SLC39A11: variants seen among roughly 807,000 people sequenced by gnomAD.
SLC39A11 encodes the protein zinc transporter ZIP11.
Under a neutral mutation model 36.1 loss-of-function variants are expected in SLC39A11, and 33 were observed. The observed-to-expected ratio is 0.91, with a 90% CI of 0.69 to 1.22. The LOEUF (loss-of-function observed/expected upper bound fraction) is 1.22. Ranked by LOEUF, SLC39A11 falls within the 50% of genes most tolerant of loss-of-function variation. The pLI is 0.00. For synonymous variants in SLC39A11, 166 were observed against 170.3 expected, an observed-to-expected ratio of 0.97 and a Z score of 0.20; for missense variants, 432 against 430.3, an observed-to-expected ratio of 1.00 and a Z score of -0.03.
intron 7 of SLC39A11, among the ~76,000 whole-genome samples, chr17:72,684,241 C>T (rs540092640): frequency 1.3e-5 from 2 of 152,294 alleles, no homozygotes; most frequent in African/African-American, 2.4e-5. Flanking sequence ...CTCACCATAC[C>T]AGAGGTCAGC....
rs34750819 is a variant in SLC39A11 at position 72,783,004 on chromosome 17, CAAA to C, written c.602-46288_602-46286del. Among the ~76,000 whole-genome samples, 3 of 81,008 alleles carry C rather than the reference CAAA, an allele frequency of 3.7e-5. 1 individual carries two copies. Among genetic ancestry groups the C allele is most frequent in the African/African-American group, 2.0e-4 (3 of 15,274 alleles). 53.1% of individuals were successfully genotyped at this position (81,008 alleles called of 152,430 possible). A position where few individuals can be genotyped will look rare whatever the true frequency, so the allele number is the denominator to read the frequency against. On this transcript the variant is annotated intron_variant, in intron 6 of 9. Coordinates refer to ENST00000255559, the MANE Select transcript of SLC39A11 (RefSeq NM_139177.4). ...ATGACAGCGCAAGACTCTGTCTCAA[CAAA>C]AAAAAAAAAAAAAAAGAAAAAAGAA...
intron 7 of SLC39A11, among the ~76,000 whole-genome samples, chr17:72,734,714 C>T (rs916055473): frequency 6.6e-5 from 10 of 152,288 alleles, no homozygotes; most frequent in East Asian, 1.9e-4. Context: ...GATGATGTCG[C>T]GGGGGACGTG....
At chr17:72,738,271 T>G (rs1179356630) in intron 6 of SLC39A11, among the ~76,000 whole-genome samples, 2 of 152,210 alleles carry the variant, frequency 1.3e-5, no homozygotes, top group East Asian at 3.8e-4. Context: ...CCCAAAGTGC[T>G]GGGATTACAG....
chr17:72,988,918 T>G (rs1268212591), intron 4 of SLC39A11, among the ~76,000 whole-genome samples: 1 of 152,002 alleles, frequency 6.6e-6, no homozygotes, highest in East Asian at 1.9e-4. Flanking sequence ...TTTTTAAGAT[T>G]ACAATATGCA....
intron 7 of SLC39A11, among the ~76,000 whole-genome samples, chr17:72,702,957 G>T (rs1220269560): frequency 1.3e-5 from 1 of 79,854 alleles, no homozygotes. Context: ...AAAAAAAATG[G>T]AAGAAAGGAA....
intron 4 of SLC39A11, among the ~76,000 whole-genome samples, chr17:73,020,972 C>G (rs151167593): frequency 1.8e-4 from 28 of 152,262 alleles, no homozygotes; most frequent in African/African-American, 6.7e-4. Context: ...TGAGCCACCA[C>G]GCCCAGCCCG....
intron 4 of SLC39A11, among the ~76,000 whole-genome samples, chr17:73,000,772 A>T (rs2089776655): frequency 6.6e-6 from 1 of 152,188 alleles, no homozygotes; most frequent in Non-Finnish European, 1.5e-5. Context: ...CAGCCCAAAC[A>T]TACCTTCCTA....
chr17:72,677,323 C>T (rs2071311214), intron 7 of SLC39A11, among the ~76,000 whole-genome samples: 1 of 152,326 alleles, frequency 6.6e-6, no homozygotes, highest in South Asian at 2.1e-4. Flanking sequence ...AAGAGGCACA[C>T]AGGAGGCCAT....
At chr17:72,969,102 G>A (rs181748630) in intron 4 of SLC39A11, among the ~76,000 whole-genome samples, 2 of 152,222 alleles carry the variant, frequency 1.3e-5, no homozygotes, top group Admixed American at 1.3e-4. Flanking sequence ...TCAACTTAAG[G>A]AGTCACACTG....
At chr17:72,675,071 T>A (rs919130945) in intron 7 of SLC39A11, among the ~76,000 whole-genome samples, 19 of 152,202 alleles carry the variant, frequency 1.2e-4, no homozygotes, top group African/African-American at 4.6e-4. Flanking sequence ...TGCCCCCCGC[T>A]TCCATACACA....
intron 5 of SLC39A11, among the ~76,000 whole-genome samples, chr17:72,872,926 GCACCTGTAGTCC>G (rs2080715850): frequency 6.6e-6 from 1 of 151,770 alleles, no homozygotes; most frequent in Non-Finnish European, 1.5e-5. Flanking sequence ...GTGGTGGCGG[GCACCTGTAGTCC>G]CAGCTACTCG....
chr17:72,682,303 C>T (rs541972696), intron 7 of SLC39A11, among the ~76,000 whole-genome samples: 1 of 113,322 alleles, frequency 8.8e-6, no homozygotes, highest in Non-Finnish European at 1.7e-5. Context: ...TCCCTCCCCC[C>T]ACCCCAGTCC....
intron 4 of SLC39A11, among the ~76,000 whole-genome samples, chr17:72,970,714 T>C (rs1023942946): frequency 1.1e-4 from 17 of 152,194 alleles, no homozygotes; most frequent in African/African-American, 4.1e-4. Context: ...AAAATGGCAA[T>C]CCAGGAGTGC....
At position 72,987,778 on chromosome 17, in the gene SLC39A11, G is replaced by A. The variant is rs751865340; in HGVS notation, c.307-39903C>T. On this transcript the variant is annotated intron_variant, in intron 4 of 9. Coordinates refer to ENST00000255559, the MANE Select transcript of SLC39A11 (RefSeq NM_139177.4). Reference sequence around the variant, plus strand: ...TTACAGAGAAAGGTGAAGCCCCAACGGTTGTTTTGGGAACAATCTCCCTCA... The same window carrying A: ...TTACAGAGAAAGGTGAAGCCCCAACAGTTGTTTTGGGAACAATCTCCCTCA... Among the ~76,000 whole-genome samples the A allele has an allele frequency of 1.1e-4, 17 of 152,170 alleles. 1 individual carries two copies. The South Asian group carries it at 3.3e-3, about 30-fold the overall frequency.
chr17:72,774,316 G>A (rs2076058255), intron 6 of SLC39A11, among the ~76,000 whole-genome samples: 1 of 152,214 alleles, frequency 6.6e-6, no homozygotes, highest in African/African-American at 2.4e-5. Context: ...ACTGATTTAT[G>A]TCTTGCTCCT....
At chr17:73,052,682 C>G (rs1307645133) in intron 3 of SLC39A11, among the ~76,000 whole-genome samples, 7 of 152,126 alleles carry the variant, frequency 4.6e-5, no homozygotes, top group Non-Finnish European at 1.0e-4. Context: ...GTGGTTACTA[C>G]TGGAAAAGAG....
intron 5 of SLC39A11, among the ~76,000 whole-genome samples, chr17:72,853,067 T>C (rs551881184): frequency 1.3e-5 from 2 of 152,236 alleles, no homozygotes; most frequent in East Asian, 3.9e-4. Context: ...CAGGCTAGAG[T>C]GCAGTGGCAC....
In SLC39A11 at chr17:72,767,976, G is replaced by C. The variant is rs117820818; in HGVS notation, c.602-31257C>G. ...ATGCGTTTTTTTCAAAGGCAGTTTG[G>C]GTGAAGGGGTGGGGGTGGCTAGGCT... On this transcript the variant is annotated intron_variant, in intron 6 of 9. Coordinates refer to ENST00000255559, the MANE Select transcript of SLC39A11 (RefSeq NM_139177.4). Among the ~76,000 whole-genome samples, 678 of 152,178 alleles carry C rather than the reference G, an allele frequency of 4.5e-3. 16 individuals carry two copies. Among genetic ancestry groups the C allele is most frequent in the East Asian group, 0.037 (190 of 5,168 alleles).
At chr17:72,676,070 T>TCTCTCA (rs1555634314) in intron 7 of SLC39A11, among the ~76,000 whole-genome samples, 2 of 129,924 alleles carry the variant, frequency 1.5e-5, no homozygotes, top group Admixed American at 7.8e-5. Flanking sequence ...TCACAATGTT[T>TCTCTCA]CACACACACA....
Sources: allele counts gnomAD v4.1 joint callset (sites outside exome capture counted in the v4.1 genomes callset), GRCh38; gene constraint gnomAD v4.1.1; transcripts MANE v1.5; gene names NCBI Gene and HGNC (gene_info 2026-07-23, HGNC 2026-07-21).